ZSWIM5: variants seen among roughly 807,000 people sequenced by gnomAD.
The protein encoded by ZSWIM5 is zinc finger SWIM-type containing 5.
In ZSWIM5, 55 loss-of-function variants were observed where a neutral mutation model predicts 119.6. The ratio of observed to expected loss-of-function variants is 0.46; its 90% CI spans 0.37 to 0.58. The LOEUF (loss-of-function observed/expected upper bound fraction) is 0.58. Among genes scored for constraint, ZSWIM5 ranks in the 20% least tolerant of loss-of-function variants. ZSWIM5 has a pLI of 0.00. For missense variants in ZSWIM5, 1,193 were observed against 1,512.8 expected (o/e 0.79, Z 3.51); for synonymous variants, 537 against 606.9 (o/e 0.88, Z 1.69).
intron 1 of ZSWIM5, among the ~76,000 whole-genome samples, chr1:45,188,780 G>T (rs1239239505): frequency 1.3e-5 from 2 of 152,132 alleles, no homozygotes; most frequent in African/African-American, 2.4e-5. Flanking sequence ...ACCCTAGCAA[G>T]GCTAACCTGT....
In ZSWIM5 at chr1:45,020,127, T is replaced by C; in HGVS notation, c.2634A>G (p.Ser878=). 5.0e-6 allele frequency: 8 copies of C among 1,614,178 alleles called. No homozygotes were observed. Among genetic ancestry groups the C allele is most frequent in the Non-Finnish European group, 6.8e-6 (8 of 1,180,032 alleles). ...LGLQVMRMTL[S]TLNWRRREMV... Reference sequence around the variant, plus strand: ...TCTCCCTGCGTCTCCAGTTAAGGGTTGATAAGGTCATCCGCATCACCTGGG... The same window carrying C: ...TCTCCCTGCGTCTCCAGTTAAGGGTCGATAAGGTCATCCGCATCACCTGGG... The change falls in exon 13 of 14, where the codon TCA becomes TCG. Residue 878 remains serine (S), a synonymous_variant. Transcript: ENST00000359600.
Position 45,205,762 on chromosome 1 carries a change from G to A in ZSWIM5, c.589C>T (p.Gln197Ter). Residue 197 changes from glutamine (Q) to a stop codon, truncating the protein, a stop_gained, in exon 1 of 14, where the codon CAA becomes TAA. Coordinates refer to ENST00000359600, the MANE Select transcript of ZSWIM5 (RefSeq NM_020883.2). LOFTEE classifies it high-confidence loss of function. Reference sequence around the variant, plus strand: ...CGCCTGGACGAGCACATACCGACTTGCAGCACGTTCTCCACGGAGCCGCTG... The same window carrying A: ...CGCCTGGACGAGCACATACCGACTTACAGCACGTTCTCCACGGAGCCGCTG... ...LDSGSVENVLQVGFHLSGTVT... is the reference protein window; with the variant it reads ...LDSGSVENVL The A allele has an allele frequency of 6.4e-7, 1 of 1,567,600 alleles. No homozygotes were observed. Among genetic ancestry groups the A allele is most frequent in the Non-Finnish European group, 8.6e-7 (1 of 1,161,888 alleles).
At chr1:45,150,171 T>TAAAAAAAAAAAAA (rs59869691) in intron 1 of ZSWIM5, among the ~76,000 whole-genome samples, 1 of 93,384 alleles carries the variant, frequency 1.1e-5, no homozygotes, top group Non-Finnish European at 2.2e-5. Context: ...CTCTATCTCT[T>TAAAAAAAAAAAAA]AAAAAAAAAA....
At chr1:45,142,066 C>A (rs1443840144) in intron 1 of ZSWIM5, among the ~76,000 whole-genome samples, 3 of 151,922 alleles carry the variant, frequency 2.0e-5, no homozygotes, top group Non-Finnish European at 4.4e-5. Context: ...AAAAATTAGC[C>A]AGCCATGGTT....
intron 10 of ZSWIM5, 81 bp from the exon 11 acceptor site, chr1:45,034,550 G>T (rs1335107536): frequency 6.1e-6 from 9 of 1,482,086 alleles, no homozygotes. Flanking sequence ...GCTCTTTGCT[G>T]GGGAGGAACT....
chr1:45,035,644 T>A, intron 10 of ZSWIM5, 44 bp downstream of exon 10: 1 of 1,604,948 alleles, frequency 6.2e-7, no homozygotes, highest in Non-Finnish European at 8.5e-7. Context: ...CACTGGACAC[T>A]TCTGCTTTGG....
chr1:45,053,473 G>A (rs2148998100), intron 4 of ZSWIM5, among the ~76,000 whole-genome samples: 1 of 151,974 alleles, frequency 6.6e-6, no homozygotes, highest in South Asian at 2.1e-4. Context: ...ATTAAGAAGG[G>A]GATCCTGGCC....
At chr1:45,023,674 T>C (rs1644902706) in intron 11 of ZSWIM5, among the ~76,000 whole-genome samples, 1 of 152,232 alleles carries the variant, frequency 6.6e-6, no homozygotes, top group South Asian at 2.1e-4. Context: ...AACATTCATG[T>C]GCAGGCTTTT....
Position 45,153,093 on chromosome 1 carries a change from T to TAA in ZSWIM5, c.595+52661_595+52662dup, listed in dbSNP as rs76324771. Among the ~76,000 whole-genome samples the TAA allele has an allele frequency of 3.8e-5, 4 of 105,862 alleles. 1 individual carries two copies. Among genetic ancestry groups the TAA allele is most frequent in the Admixed American group, 1.0e-4 (1 of 9,716 alleles). 69.4% of individuals were successfully genotyped at this position (105,862 alleles called of 152,430 possible). A position where few individuals can be genotyped will look rare whatever the true frequency, so the allele number is the denominator to read the frequency against. On this transcript the variant is annotated intron_variant, in intron 1 of 13. Transcript: ENST00000359600. ...ATCAGAATGGCTACTATTAAAAAGT[T>TAA]AAAAAAAAAAAAAAAAAGAAAAAAG...
At chr1:45,090,208 T>G (rs1645356982) in intron 1 of ZSWIM5, among the ~76,000 whole-genome samples, 1 of 152,146 alleles carries the variant, frequency 6.6e-6, no homozygotes. Context: ...CACATTTAGG[T>G]CTAATCCAAA....
chr1:45,145,811 T>A (rs1041704184), intron 1 of ZSWIM5, among the ~76,000 whole-genome samples: 3 of 152,154 alleles, frequency 2.0e-5, no homozygotes, highest in Non-Finnish European at 4.4e-5. Flanking sequence ...GTGATATTTT[T>A]AAAAATACTA....
chr1:45,091,148 A>G (rs1279191973), intron 1 of ZSWIM5, among the ~76,000 whole-genome samples: 1 of 152,182 alleles, frequency 6.6e-6, no homozygotes, highest in African/African-American at 2.4e-5. Flanking sequence ...ATGGCTCTCC[A>G]TGTAAAGGGG....
intron 5 of ZSWIM5, among the ~76,000 whole-genome samples, chr1:45,044,769 A>T (rs868236718): frequency 4.0e-4 from 2 of 5,004 alleles, no homozygotes; most frequent in East Asian, 0.01. Flanking sequence ...ATATATATAT[A>T]TATATAAATA....
intron 1 of ZSWIM5, among the ~76,000 whole-genome samples, chr1:45,133,941 G>A (rs1044643904): frequency 3.3e-5 from 5 of 151,960 alleles, no homozygotes; most frequent in Middle Eastern, 3.2e-3. Context: ...TATTATTTCC[G>A]AGGGCTCTGT....
chr1:45,080,468 A>C (rs1164804901), intron 2 of ZSWIM5, among the ~76,000 whole-genome samples: 1 of 152,176 alleles, frequency 6.6e-6, no homozygotes, highest in Non-Finnish European at 1.5e-5. Context: ...CAGTGCACCA[A>C]AATGCTTTCC....
At position 45,205,841 on chromosome 1, in the gene ZSWIM5, C is replaced by G. The variant is rs1410430916; in HGVS notation, c.510G>C (p.Ala170=). Residue 170 remains alanine (A), a synonymous_variant, in exon 1 of 14, where the codon GCG becomes GCC. Coordinates refer to ENST00000359600, the MANE Select transcript of ZSWIM5 (RefSeq NM_020883.2). ...ASPGLGAGAG[A]AGCGGEGLPF... ...GGAGCCCCTCGCCACCGCAGCCGGC[C>G]GCGCCGGCCCCTGCGCCCAGCCCGG... is the stretch of plus-strand genomic sequence containing the variant. 4 of 1,481,868 alleles carry G rather than the reference C, an allele frequency of 2.7e-6. No homozygotes were observed. In the South Asian group the frequency reaches 4.9e-5, roughly 18 times the overall value. 91.8% of individuals were successfully genotyped at this position (1,481,868 alleles called of 1,614,324 possible).
intron 1 of ZSWIM5, among the ~76,000 whole-genome samples, chr1:45,180,766 C>G (rs527923980): frequency 6.6e-6 from 1 of 152,232 alleles, no homozygotes; most frequent in East Asian, 1.9e-4. Flanking sequence ...CAGCAGCATT[C>G]ACGGATCACG....
intron 3 of ZSWIM5, 45 bp from the exon 4 acceptor site, chr1:45,058,804 A>G (rs763364779): frequency 6.2e-7 from 1 of 1,608,004 alleles, no homozygotes; most frequent in African/African-American, 1.3e-5. Context: ...GTGTATCACA[A>G]AAAAGTAGGA....
In ZSWIM5 at chr1:45,043,221, A is replaced by T; in HGVS notation, c.1607T>A (p.Leu536His). The change falls in exon 6 of 14, where the codon CTT (leucine) becomes CAT (histidine). Residue 536 changes from leucine to histidine, a missense_variant and splice_region_variant. By Grantham distance (99) the Leu-to-His change is moderately conservative (BLOSUM62 -3). This residue lies in a region of ZSWIM5 where 961 missense variants were observed against 1,290.0 expected (regional missense o/e 0.74). Coordinates refer to ENST00000359600, the MANE Select transcript of ZSWIM5 (RefSeq NM_020883.2). ...LFNSQGQPLW[L>H]EHVPTACARV... ...TCTTAGAGGAGGGCTAGACTTACCA[A>T]GCCACAGTGGCTGGCCTTGGGAATT... 1 of 1,613,312 alleles carries T rather than the reference A, an allele frequency of 6.2e-7. No individual in the cohort carries two copies. Among genetic ancestry groups the T allele is most frequent in the South Asian group, 1.1e-5 (1 of 91,052 alleles).
Sources: allele counts gnomAD v4.1 joint callset (sites outside exome capture counted in the v4.1 genomes callset), GRCh38; gene constraint gnomAD v4.1.1; regional missense constraint gnomAD v4.1.1; transcripts MANE v1.5; gene names NCBI Gene and HGNC (gene_info 2026-07-23, HGNC 2026-07-21).